Variants in HS3ST4 observed in about 807,000 individuals in gnomAD.
The protein encoded by HS3ST4 is heparan sulfate glucosamine 3-O-sulfotransferase 4.
A neutral mutation model predicts 29.2 loss-of-function variants in HS3ST4; 17 were observed. The ratio of observed to expected loss-of-function variants is 0.58; its 90% CI spans 0.40 to 0.87. The LOEUF (loss-of-function observed/expected upper bound fraction) is 0.87, where lower values mean the gene tolerates loss of function less well. HS3ST4 is among the 40% of genes least tolerant of loss of function. The probability of loss-of-function intolerance (pLI) is 0.00; values close to 1 mark genes in which losing one functional copy is unlikely to be tolerated. For missense variants in HS3ST4, 627 were observed against 634.5 expected (o/e 0.99, Z 0.13); for synonymous variants, 314 against 285.7 (o/e 1.10, Z -1.00).
At chr16:25,979,584 C>G (rs1314092610) in intron 1 of HS3ST4, among the ~76,000 whole-genome samples, 1 of 152,172 alleles carries the variant, frequency 6.6e-6, no homozygotes, top group African/African-American at 2.4e-5. Flanking sequence ...ATGGGACCGT[C>G]TAGTTGCAGG....
intron 1 of HS3ST4, among the ~76,000 whole-genome samples, chr16:25,779,140 A>G (rs966415460): frequency 6.6e-6 from 1 of 152,194 alleles, no homozygotes; most frequent in African/African-American, 2.4e-5. Flanking sequence ...GGCTAAACAT[A>G]TAAGTGCACT....
At chr16:25,844,962 C>T (rs1967449602) in intron 1 of HS3ST4, among the ~76,000 whole-genome samples, 1 of 152,134 alleles carries the variant, frequency 6.6e-6, no homozygotes, top group Admixed American at 6.5e-5. Flanking sequence ...AACCCAAACA[C>T]TGCATGTTCT....
chr16:25,917,288 C>T (rs1291274202), intron 1 of HS3ST4, among the ~76,000 whole-genome samples: 1 of 152,140 alleles, frequency 6.6e-6, no homozygotes, highest in Non-Finnish European at 1.5e-5. Context: ...TCTCAGCTCA[C>T]TGCAACCTCC....
At chr16:25,887,824 A>C (rs1967970318) in intron 1 of HS3ST4, among the ~76,000 whole-genome samples, 1 of 150,694 alleles carries the variant, frequency 6.6e-6, no homozygotes. Context: ...CAGCCTCCAG[A>C]GTAGCTGGGA....
chr16:26,085,877 A>AAATAATAATAATAAT (rs57927146), intron 1 of HS3ST4, among the ~76,000 whole-genome samples: 34 of 146,930 alleles, frequency 2.3e-4, no homozygotes, highest in African/African-American at 7.0e-4. Flanking sequence ...CTGTCTCTTA[A>AAATAATAATAATAAT]AATAATAATA....
chr16:26,136,212 A>T lies in HS3ST4; in HGVS notation c.1335A>T (p.Gln445His). The change falls in exon 2 of 2, where the codon CAA (glutamine) becomes CAT (histidine). Residue 445 changes from glutamine to histidine, a missense_variant. Coordinates refer to ENST00000331351, the MANE Select transcript of HS3ST4 (RefSeq NM_006040.3). ...FNLMFYQMTGQDFQWEQEEGD... is the reference protein window; with the variant it reads ...FNLMFYQMTGHDFQWEQEEGD... ...TGATGTTTTACCAAATGACTGGTCA[A>T]GATTTTCAGTGGGAACAGGAAGAGG... 1 of 1,613,382 alleles carries T rather than the reference A, an allele frequency of 6.2e-7. No individual in the cohort carries two copies. The highest frequency in any genetic ancestry group is 8.5e-7 in the Non-Finnish European group (1 of 1,179,716).
At chr16:26,047,049 G>A (rs1206754643) in intron 1 of HS3ST4, among the ~76,000 whole-genome samples, 1 of 152,188 alleles carries the variant, frequency 6.6e-6, no homozygotes, top group African/African-American at 2.4e-5. Flanking sequence ...TGATTTACCT[G>A]TTTCTGTGCT....
chr16:25,906,344 A>G (rs1968180141), intron 1 of HS3ST4, among the ~76,000 whole-genome samples: 1 of 152,150 alleles, frequency 6.6e-6, no homozygotes, highest in African/African-American at 2.4e-5. Context: ...ATTATTTTTT[A>G]TTCTTACCCT....
At chr16:26,087,383 G>A (rs1015370592) in intron 1 of HS3ST4, among the ~76,000 whole-genome samples, 2 of 152,142 alleles carry the variant, frequency 1.3e-5, no homozygotes, top group Non-Finnish European at 2.9e-5. Flanking sequence ...TTCCCATTAA[G>A]GGACAAGCTG....
At chr16:25,906,207 C>T (rs1425756720) in intron 1 of HS3ST4, among the ~76,000 whole-genome samples, 1 of 152,130 alleles carries the variant, frequency 6.6e-6, no homozygotes, top group Non-Finnish European at 1.5e-5. Context: ...AGACTTCCTT[C>T]TCTTTGTGGG....
At chr16:25,889,516 T>C (rs571068509) in intron 1 of HS3ST4, among the ~76,000 whole-genome samples, 1 of 152,290 alleles carries the variant, frequency 6.6e-6, no homozygotes, top group East Asian at 1.9e-4. Flanking sequence ...GAATGAACAC[T>C]TAGAAATCTG....
At chr16:25,811,365 A>T (rs1296943836) in intron 1 of HS3ST4, among the ~76,000 whole-genome samples, 1 of 151,470 alleles carries the variant, frequency 6.6e-6, no homozygotes, top group African/African-American at 2.4e-5. Context: ...CTTTCACTTA[A>T]TGAATAGTAA....
Position 25,927,136 on chromosome 16 carries a change from A to C in HS3ST4, c.735-208476A>C, listed in dbSNP as rs1347029601. Among the ~76,000 whole-genome samples, 3 of 152,208 alleles carry C rather than the reference A, an allele frequency of 2.0e-5. No individual in the cohort carries two copies. In the East Asian group the frequency reaches 5.8e-4, roughly 29 times the overall value. ...AACTGTTTGATTTTACTGATCAGCT[A>C]AATCAACTGCATGCTTTCTTTCCAC... On this transcript the variant is annotated intron_variant, in intron 1 of 1. Coordinates refer to ENST00000331351, the MANE Select transcript of HS3ST4 (RefSeq NM_006040.3).
intron 1 of HS3ST4, among the ~76,000 whole-genome samples, chr16:26,115,599 A>G (rs1172878628): frequency 6.6e-6 from 1 of 152,104 alleles, no homozygotes; most frequent in African/African-American, 2.4e-5. Flanking sequence ...ATTCACCTGG[A>G]ATCCGGGTAG....
intron 1 of HS3ST4, among the ~76,000 whole-genome samples, chr16:25,737,681 C>T (rs1966619035): frequency 6.6e-6 from 1 of 152,132 alleles, no homozygotes; most frequent in Non-Finnish European, 1.5e-5. Flanking sequence ...CCAGAAGTCA[C>T]CACTATGCAA....
At chr16:25,813,896 G>C (rs1225874357) in intron 1 of HS3ST4, among the ~76,000 whole-genome samples, 1 of 152,192 alleles carries the variant, frequency 6.6e-6, no homozygotes. Context: ...CATTCACACA[G>C]TGGAATATTA....
At chr16:26,029,657 C>T (rs538591817) in intron 1 of HS3ST4, among the ~76,000 whole-genome samples, 17 of 152,314 alleles carry the variant, frequency 1.1e-4, no homozygotes, top group South Asian at 1.0e-3. Flanking sequence ...TTGATCCACA[C>T]GCCTCGGCCT....
intron 1 of HS3ST4, among the ~76,000 whole-genome samples, chr16:25,852,161 A>G (rs1031666984): frequency 3.3e-5 from 5 of 152,318 alleles, no homozygotes; most frequent in African/African-American, 1.2e-4. Flanking sequence ...AGGGTCTCTC[A>G]TGACAAATAG....
intron 1 of HS3ST4, among the ~76,000 whole-genome samples, chr16:25,909,427 CA>C (rs1386116247): frequency 6.6e-6 from 1 of 152,048 alleles, no homozygotes; most frequent in East Asian, 1.9e-4. Context: ...GGACATGCCC[CA>C]GGCCTTCCAA....
Sources: allele counts gnomAD v4.1 joint callset (sites outside exome capture counted in the v4.1 genomes callset), GRCh38; gene constraint gnomAD v4.1.1; transcripts MANE v1.5; gene names NCBI Gene and HGNC (gene_info 2026-07-23, HGNC 2026-07-21).